MCTP2: variants seen among roughly 807,000 people sequenced by gnomAD.
MCTP2 encodes the protein multiple C2 and transmembrane domain containing 2, also known as multiple C2 and transmembrane domain-containing protein 2.
MCTP2 carries 132 observed loss-of-function variants against 111.6 expected under a neutral mutation model. The ratio of observed to expected loss-of-function variants is 1.18; its 90% CI spans 1.03 to 1.37. The LOEUF is 1.37. Among genes scored for constraint, MCTP2 ranks in the 40% most tolerant of loss-of-function variants. MCTP2 has a pLI of 0.00. For missense variants in MCTP2, 1,183 were observed against 1,067.9 expected, an observed-to-expected ratio of 1.11 and a Z score of -1.50; for synonymous variants, 395 against 387.7, an observed-to-expected ratio of 1.02 and a Z score of -0.22.
At chr15:94,412,962 G>T (rs910384230) in intron 17 of MCTP2, among the ~76,000 whole-genome samples, 2 of 152,050 alleles carry the variant, frequency 1.3e-5, no homozygotes, top group African/African-American at 4.8e-5. Flanking sequence ...CGGCAAATTT[G>T]ATTTTGCATT....
In MCTP2 at chr15:94,315,561, C is replaced by T; in HGVS notation, c.561C>T (p.Asn187=). The change falls in exon 4 of 23, where the codon AAC becomes AAT. Residue 187 remains asparagine (N), a synonymous_variant. Transcript: ENST00000357742. ...GGGAAGCCAGTGATGGCTTGAGTAA[C>T]CTCCCCAGCCCTTTTGCGTACCTCC... The part of the protein sequence containing the change: ...VPGEASDGLS[N]LPSPFAYLLT... The T allele has an allele frequency of 4.3e-6, 7 of 1,614,084 alleles. No homozygotes were observed. Among genetic ancestry groups the T allele is most frequent in the Non-Finnish European group, 4.2e-6 (5 of 1,179,996 alleles).
At chr15:94,425,812 A>T (rs1391502275) in intron 17 of MCTP2, among the ~76,000 whole-genome samples, 1 of 152,146 alleles carries the variant, frequency 6.6e-6, no homozygotes, top group Non-Finnish European at 1.5e-5. Context: ...CAACTTATCA[A>T]AGTTGCAAAA....
chr15:94,406,065 C>T (rs1447401264), intron 17 of MCTP2, among the ~76,000 whole-genome samples: 1 of 152,154 alleles, frequency 6.6e-6, no homozygotes, highest in African/African-American at 2.4e-5. Flanking sequence ...ATTTTATACA[C>T]ATGTATATAC....
At chr15:94,386,498 G>C (rs559498790) in intron 14 of MCTP2, among the ~76,000 whole-genome samples, 2 of 152,138 alleles carry the variant, frequency 1.3e-5, no homozygotes, top group African/African-American at 4.8e-5. Context: ...ATTTCTCCCC[G>C]AGTTCTCATA....
chr15:94,245,402 GTA>G (rs1157890363), intron 1 of MCTP2, among the ~76,000 whole-genome samples: 2 of 50,840 alleles, frequency 3.9e-5, no homozygotes, highest in Non-Finnish European at 9.7e-5. Flanking sequence ...ATACATGTGT[GTA>G]TATATTTATA....
At chr15:94,319,160 T>C (rs1008591252) in intron 4 of MCTP2, among the ~76,000 whole-genome samples, 2 of 152,174 alleles carry the variant, frequency 1.3e-5, no homozygotes, top group African/African-American at 4.8e-5. Context: ...GCTCTGACTA[T>C]GTCAACTTCT....
intron 1 of MCTP2, among the ~76,000 whole-genome samples, chr15:94,246,714 T>C (rs1482055703): frequency 6.6e-6 from 1 of 152,156 alleles, no homozygotes. Flanking sequence ...GACTGAGAAA[T>C]GATAGAAAAC....
At chr15:94,292,152 A>T (rs1171322635) in intron 1 of MCTP2, among the ~76,000 whole-genome samples, 1 of 152,230 alleles carries the variant, frequency 6.6e-6, no homozygotes, top group Admixed American at 6.5e-5. Flanking sequence ...AAAAACCCAA[A>T]TCTGGTTCTT....
At chr15:94,418,434 A>C (rs1320102737) in intron 17 of MCTP2, among the ~76,000 whole-genome samples, 1 of 152,068 alleles carries the variant, frequency 6.6e-6, no homozygotes, top group Non-Finnish European at 1.5e-5. Flanking sequence ...GATGGCTTTG[A>C]AAGATGTATT....
At chr15:94,376,479 G>C (rs556679612) in intron 12 of MCTP2, among the ~76,000 whole-genome samples, 1 of 152,258 alleles carries the variant, frequency 6.6e-6, no homozygotes, top group South Asian at 2.1e-4. Flanking sequence ...CTGGCCTTAG[G>C]CTCCCTCTAA....
intron 1 of MCTP2, among the ~76,000 whole-genome samples, chr15:94,244,862 A>G (rs969649935): frequency 3.5e-5 from 5 of 143,504 alleles, no homozygotes; most frequent in South Asian, 2.1e-4. Flanking sequence ...ATACACATAC[A>G]TATGCACCTA....
intron 20 of MCTP2, among the ~76,000 whole-genome samples, chr15:94,466,329 T>TCAAA (rs1283991792): frequency 1.3e-5 from 2 of 152,200 alleles, no homozygotes; most frequent in Non-Finnish European, 2.9e-5. Context: ...TGGAGAGTAC[T>TCAAA]CAAACATCAT....
chr15:94,397,424 C>G (rs1455260585), intron 14 of MCTP2, among the ~76,000 whole-genome samples: 1 of 152,170 alleles, frequency 6.6e-6, no homozygotes, highest in African/African-American at 2.4e-5. Context: ...TAAACTGGAC[C>G]CAAGTCAGCT....
rs567236334 is a variant in MCTP2 at position 94,251,343 on chromosome 15, C to T, written c.-66+19679C>T. 6.6e-4 allele frequency among the ~76,000 whole-genome samples: 100 copies of T among 150,624 alleles called. 1 individual carries two copies. Among genetic ancestry groups the T allele is most frequent in the Non-Finnish European group, 1.3e-3 (89 of 67,804 alleles). ...GTTTTCTTAATCATCCTAAAATACA[C>T]ATAACCTAATACGCATTTTGTTTTT... is the stretch of plus-strand genomic sequence containing the variant. On this transcript the variant is annotated intron_variant, in intron 1 of 22. Transcript: ENST00000357742.
intron 17 of MCTP2, among the ~76,000 whole-genome samples, chr15:94,420,542 G>C (rs1359730711): frequency 1.3e-5 from 2 of 152,130 alleles, no homozygotes; most frequent in Admixed American, 1.3e-4. Context: ...CACGAGTTTA[G>C]AAGGAGTCGA....
chr15:94,369,767 C>T (rs1257514472), intron 11 of MCTP2, among the ~76,000 whole-genome samples: 1 of 152,108 alleles, frequency 6.6e-6, no homozygotes, highest in East Asian at 1.9e-4. Context: ...GGAAAAAGAG[C>T]ATCAATGTAA....
Position 94,233,100 on chromosome 15 carries a change from C to A in MCTP2, c.-66+1436C>A, listed in dbSNP as rs549412429. Among the ~76,000 whole-genome samples the A allele has an allele frequency of 2.1e-3, 316 of 152,152 alleles. 1 individual carries two copies. Among genetic ancestry groups the A allele is most frequent in the African/African-American group, 7.1e-3 (295 of 41,510 alleles). On this transcript the variant is annotated intron_variant, in intron 1 of 22. Transcript: ENST00000357742. ...TCTAAGATGGAGAGTGTAAATCCGG[C>A]AGATTTAATATAAGAATTCAAATTT...
chr15:94,270,276 C>G (rs775386851), intron 1 of MCTP2, among the ~76,000 whole-genome samples: 21 of 152,158 alleles, frequency 1.4e-4, no homozygotes, highest in Non-Finnish European at 2.9e-5. Flanking sequence ...ATTTCGGGCA[C>G]TGTGAGCTTG....
chr15:94,298,751 T>C (rs748001689), intron 2 of MCTP2, 21 bp downstream of exon 2: 1 of 1,493,476 alleles, frequency 6.7e-7, no homozygotes. Flanking sequence ...GGCTGGGCTC[T>C]CTTTTTTTTT....
Sources: gnomAD v4.1 joint callset for allele counts (sites outside exome capture counted in the v4.1 genomes callset) on GRCh38, gnomAD v4.1.1 for gene constraint, MANE v1.5 for transcripts, NCBI Gene and HGNC (gene_info 2026-07-23, HGNC 2026-07-21) for gene names.